Variants in CSGALNACT1 observed in about 807,000 individuals in gnomAD.
CSGALNACT1 encodes the protein chondroitin sulfate N-acetylgalactosaminyltransferase 1.
A neutral mutation model predicts 51.0 loss-of-function variants in CSGALNACT1; 52 were observed. The observed-to-expected ratio is 1.02, with a 90% CI of 0.82 to 1.29. The LOEUF is 1.29. CSGALNACT1 is among the 50% of genes most tolerant of loss of function. The probability of loss-of-function intolerance (pLI) is 0.00; values close to 1 mark genes in which losing one functional copy is unlikely to be tolerated. For synonymous variants in CSGALNACT1, 341 were observed against 254.4 expected (o/e 1.34, Z -3.24); for missense variants, 935 against 679.2 (o/e 1.38, Z -4.19).
chr8:19,522,100 C>A (rs1053201384), intron 3 of CSGALNACT1, among the ~76,000 whole-genome samples: 1 of 152,162 alleles, frequency 6.6e-6, no homozygotes, highest in African/African-American at 2.4e-5. Context: ...CACAGAAAGG[C>A]TTGTCTTATA....
intron 5 of CSGALNACT1, among the ~76,000 whole-genome samples, chr8:19,453,228 T>C (rs1310789067): frequency 1.3e-5 from 2 of 152,124 alleles, no homozygotes; most frequent in African/African-American, 2.4e-5. Flanking sequence ...TTAACAAGAA[T>C]ATGAATTTAA....
At chr8:19,420,452 A>G (rs759203320) in exon 7 of CSGALNACT1, 6 of 1,614,102 alleles carry the variant, frequency 3.7e-6, no homozygotes, top group Non-Finnish European at 5.1e-6. Flanking sequence ...CTCCAACATC[A>G]AGTCCCTTTC....
chr8:19,517,621 G>A (rs1027311249), intron 3 of CSGALNACT1, among the ~76,000 whole-genome samples: 1 of 152,102 alleles, frequency 6.6e-6, no homozygotes, highest in African/African-American at 2.4e-5. Context: ...CACATGGCTG[G>A]GGAGGCCTCA....
At chr8:19,635,691 G>T (rs1174558119) in intron 1 of CSGALNACT1, among the ~76,000 whole-genome samples, 4 of 152,160 alleles carry the variant, frequency 2.6e-5, no homozygotes, top group Admixed American at 6.5e-5. Context: ...GGCATCCAAA[G>T]CGGGCATTTA....
intron 3 of CSGALNACT1, among the ~76,000 whole-genome samples, chr8:19,547,095 G>A (rs1017650072): frequency 1.3e-5 from 2 of 152,058 alleles, no homozygotes; most frequent in Non-Finnish European, 2.9e-5. Flanking sequence ...CAAATATAAA[G>A]TGATATCCTC....
In CSGALNACT1 at chr8:19,517,915, C is replaced by G. The variant is rs139201268; in HGVS notation, c.-296-11785G>C. Reference sequence around the variant, plus strand: ...GTTCTCTCTTCTTTCCTCTAGAGCACTGCAAAAGTAGATGCCCATGTAATG... The same window carrying G: ...GTTCTCTCTTCTTTCCTCTAGAGCAGTGCAAAAGTAGATGCCCATGTAATG... On this transcript the variant is annotated intron_variant, in intron 3 of 9. Coordinates refer to ENST00000454498, the Ensembl canonical transcript of CSGALNACT1. Among the ~76,000 whole-genome samples, 3 of 152,176 alleles carry G rather than the reference C, an allele frequency of 2.0e-5. No homozygotes were observed. The South Asian group carries it at 6.2e-4, about 32-fold the overall frequency.
chr8:19,715,758 T>C (rs1360937630), intron 1 of CSGALNACT1, among the ~76,000 whole-genome samples: 1 of 152,100 alleles, frequency 6.6e-6, no homozygotes, highest in Admixed American at 6.6e-5. Context: ...AGGTGTCTAG[T>C]GTAAGGGTTT....
intron 3 of CSGALNACT1, among the ~76,000 whole-genome samples, chr8:19,557,251 A>T (rs371522254): frequency 5.3e-5 from 8 of 152,042 alleles, no homozygotes; most frequent in African/African-American, 1.4e-4. Flanking sequence ...TCTACCCATA[A>T]TTCCCTTGTC....
At chr8:19,512,212 T>C (rs1283522572) in intron 3 of CSGALNACT1, among the ~76,000 whole-genome samples, 1 of 152,170 alleles carries the variant, frequency 6.6e-6, no homozygotes, top group Non-Finnish European at 1.5e-5. Context: ...GAGGGGCCCA[T>C]GGATGAGGAA....
chr8:19,447,970 C>T (rs936874603), intron 5 of CSGALNACT1, among the ~76,000 whole-genome samples: 4 of 152,192 alleles, frequency 2.6e-5, no homozygotes, highest in South Asian at 2.1e-4. Context: ...GTGGTGGGTA[C>T]GGTAGCAGCA....
At chr8:19,514,475 CT>C (rs2079084755) in intron 3 of CSGALNACT1, among the ~76,000 whole-genome samples, 1 of 78,782 alleles carries the variant, frequency 1.3e-5, no homozygotes, top group South Asian at 4.8e-4. Flanking sequence ...TGAACAGAGA[CT>C]ATATATATAT....
chr8:19,476,935 G>A (rs147480876), intron 4 of CSGALNACT1, among the ~76,000 whole-genome samples: 1 of 152,274 alleles, frequency 6.6e-6, no homozygotes, highest in Non-Finnish European at 1.5e-5. Context: ...CGAGCCTGCT[G>A]GGGCAGGGAC....
intron 3 of CSGALNACT1, among the ~76,000 whole-genome samples, chr8:19,507,354 C>A (rs538300074): frequency 6.7e-6 from 1 of 149,950 alleles, no homozygotes; most frequent in East Asian, 2.0e-4. Context: ...ATGCTCTGCA[C>A]CTCAACTCTC....
intron 6 of CSGALNACT1, among the ~76,000 whole-genome samples, chr8:19,435,178 C>G (rs2060192765): frequency 6.6e-6 from 1 of 152,110 alleles, no homozygotes; most frequent in South Asian, 2.1e-4. Flanking sequence ...TGGTCAATGC[C>G]AATTCATCTA....
At chr8:19,624,172 G>A (rs2054168643) in intron 1 of CSGALNACT1, among the ~76,000 whole-genome samples, 2 of 152,154 alleles carry the variant, frequency 1.3e-5, no homozygotes, top group African/African-American at 4.8e-5. Flanking sequence ...TAGCCCCTCT[G>A]AGATTATCTA....
intron 8 of CSGALNACT1, among the ~76,000 whole-genome samples, chr8:19,415,272 G>A (rs541842329): frequency 5.3e-5 from 8 of 152,250 alleles, no homozygotes; most frequent in Admixed American, 2.6e-4. Context: ...CCAGTCCCCC[G>A]TAGGCAGCGA....
intron 8 of CSGALNACT1, among the ~76,000 whole-genome samples, chr8:19,416,869 T>TG (rs1490654035): frequency 6.6e-6 from 1 of 151,658 alleles, no homozygotes; most frequent in Non-Finnish European, 1.5e-5. Context: ...AACTCACTTT[T>TG]TTTTTTTCTT....
chr8:19,527,003 T>C (rs2081848178), intron 3 of CSGALNACT1, among the ~76,000 whole-genome samples: 1 of 152,222 alleles, frequency 6.6e-6, no homozygotes, highest in Non-Finnish European at 1.5e-5. Context: ...TATGACTCAC[T>C]ACATATCTAC....
intron 1 of CSGALNACT1, among the ~76,000 whole-genome samples, chr8:19,661,407 G>T (rs138415203): frequency 6.6e-6 from 1 of 152,140 alleles, no homozygotes; most frequent in African/African-American, 2.4e-5. Flanking sequence ...TGGCACTGAC[G>T]AAAGGGATTT....
Sources: allele counts gnomAD v4.1 joint callset (sites outside exome capture counted in the v4.1 genomes callset), GRCh38; gene constraint gnomAD v4.1.1; transcripts MANE v1.5; gene names NCBI Gene and HGNC (gene_info 2026-07-23, HGNC 2026-07-21).